CHST11: variants seen among roughly 807,000 people sequenced by gnomAD.
CHST11 encodes carbohydrate sulfotransferase 11, also known as C4S-1.
In CHST11, 9 loss-of-function variants were observed where a neutral mutation model predicts 30.4. The observed-to-expected ratio is 0.30, with a 90% CI of 0.18 to 0.52. The LOEUF is 0.52. Ranked by LOEUF, CHST11 falls within the 20% of genes least tolerant of loss-of-function variation. CHST11 has a pLI of 0.97. For missense variants in CHST11, 348 were observed against 460.6 expected, an observed-to-expected ratio of 0.76 and a Z score of 2.24; for synonymous variants, 152 against 187.8, an observed-to-expected ratio of 0.81 and a Z score of 1.56.
chr12:104,551,727 T>C (rs1225355251), intron 1 of CHST11, among the ~76,000 whole-genome samples: 2 of 152,044 alleles, frequency 1.3e-5, no homozygotes, highest in African/African-American at 2.4e-5. Context: ...TGATAGCCAT[T>C]TGGGGACTAG....
chr12:104,530,008 A>G (rs2038166125), intron 1 of CHST11, among the ~76,000 whole-genome samples: 1 of 152,052 alleles, frequency 6.6e-6, no homozygotes, highest in Non-Finnish European at 1.5e-5. Flanking sequence ...AAATACAAAA[A>G]ATTAGCTAGG....
At chr12:104,656,092 A>G (rs1173371400) in intron 2 of CHST11, among the ~76,000 whole-genome samples, 1 of 152,240 alleles carries the variant, frequency 6.6e-6, no homozygotes, top group Non-Finnish European at 1.5e-5. Flanking sequence ...AACAAACCGT[A>G]AAAGATTTCT....
intron 2 of CHST11, among the ~76,000 whole-genome samples, chr12:104,637,949 T>C (rs1252008241): frequency 1.3e-5 from 2 of 152,150 alleles, no homozygotes; most frequent in Non-Finnish European, 2.9e-5. Flanking sequence ...GGAACCTCTA[T>C]GAGGACAGGG....
At chr12:104,599,401 G>A (rs920016283) in intron 1 of CHST11, among the ~76,000 whole-genome samples, 2 of 152,222 alleles carry the variant, frequency 1.3e-5, no homozygotes, top group South Asian at 2.1e-4. Context: ...CCCGTCTGCC[G>A]CCATAGGGAG....
intron 1 of CHST11, among the ~76,000 whole-genome samples, chr12:104,505,409 T>C (rs970136637): frequency 6.6e-6 from 1 of 152,108 alleles, no homozygotes; most frequent in African/African-American, 2.4e-5. Context: ...TAGACGAACG[T>C]TTCTCAGACT....
chr12:104,568,235 C>T (rs2038587518), intron 1 of CHST11, among the ~76,000 whole-genome samples: 2 of 152,150 alleles, frequency 1.3e-5, no homozygotes, highest in Non-Finnish European at 2.9e-5. Context: ...CGAGAGGAGT[C>T]AGACTTTCCT....
At chr12:104,625,797 C>T (rs2039208885) in intron 2 of CHST11, among the ~76,000 whole-genome samples, 1 of 152,170 alleles carries the variant, frequency 6.6e-6, no homozygotes, top group Non-Finnish European at 1.5e-5. Flanking sequence ...TCTTCCCTGT[C>T]TTCTTTTTCA....
chr12:104,673,574 A>G (rs1485463344), intron 2 of CHST11, among the ~76,000 whole-genome samples: 1 of 152,216 alleles, frequency 6.6e-6, no homozygotes, highest in Non-Finnish European at 1.5e-5. Flanking sequence ...CTATCTGGCA[A>G]TTAGCAAAGC....
At chr12:104,493,348 C>T (rs934546420) in intron 1 of CHST11, among the ~76,000 whole-genome samples, 2 of 152,158 alleles carry the variant, frequency 1.3e-5, no homozygotes, top group African/African-American at 4.8e-5. Flanking sequence ...AATGTTTTTG[C>T]CCTGGAACCA....
chr12:104,513,232 G>A (rs1018856145), intron 1 of CHST11, among the ~76,000 whole-genome samples: 5 of 150,902 alleles, frequency 3.3e-5, no homozygotes, highest in African/African-American at 9.8e-5. Flanking sequence ...GTGTTTCTGT[G>A]CCATGTCTCA....
At chr12:104,654,641 G>A (rs1160636284) in intron 2 of CHST11, among the ~76,000 whole-genome samples, 2 of 151,872 alleles carry the variant, frequency 1.3e-5, no homozygotes, top group South Asian at 2.1e-4. Context: ...GCCACCCCCT[G>A]CCCCCAGCCC....
At position 104,539,056 on chromosome 12, in the gene CHST11, A is replaced by G. The variant is rs886666522; in HGVS notation, c.119-62850A>G. On this transcript the variant is annotated intron_variant, in intron 1 of 2. Transcript: ENST00000303694. ...AGAGAAGTGTTGCCCAAGGTTACAC[A>G]GCTGGCAAATTGCAGAGCTGGGCAA... 2.4e-4 allele frequency among the ~76,000 whole-genome samples: 37 copies of G among 152,372 alleles called. No homozygotes were observed. The Middle Eastern group carries it at 0.01, about 42-fold the overall frequency.
At chr12:104,630,681 T>C (rs774747648) in intron 2 of CHST11, among the ~76,000 whole-genome samples, 3 of 152,194 alleles carry the variant, frequency 2.0e-5, no homozygotes, top group Non-Finnish European at 4.4e-5. Context: ...GCAAATTGGA[T>C]CTACGTGGGT....
At position 104,709,262 on chromosome 12, in the gene CHST11, C is replaced by G. The variant is rs191465845; in HGVS notation, c.205-47687C>G. Reference sequence around the variant, plus strand: ...GCACCCACAGCCTCGCCCCCACACCCAGGGTTCGCTCCAGGGCCTTCTCTC... The same window carrying G: ...GCACCCACAGCCTCGCCCCCACACCGAGGGTTCGCTCCAGGGCCTTCTCTC... On this transcript the variant is annotated intron_variant, in intron 2 of 2. Transcript: ENST00000303694. Among the ~76,000 whole-genome samples the G allele has an allele frequency of 4.7e-3, 710 of 152,340 alleles. 2 individuals are homozygous for G. Among genetic ancestry groups the G allele is most frequent in the Non-Finnish European group, 6.3e-3 (430 of 68,014 alleles).
At chr12:104,641,533 C>T (rs1441381102) in intron 2 of CHST11, among the ~76,000 whole-genome samples, 1 of 152,104 alleles carries the variant, frequency 6.6e-6, no homozygotes, top group East Asian at 1.9e-4. Flanking sequence ...TTTGCCCCTG[C>T]CAGCACCCAT....
chr12:104,550,578 C>T (rs1006711772), intron 1 of CHST11, among the ~76,000 whole-genome samples: 1 of 152,158 alleles, frequency 6.6e-6, no homozygotes, highest in Non-Finnish European at 1.5e-5. Context: ...TTTACAAAAA[C>T]AAGCAGTGGG....
At chr12:104,482,708 C>T (rs1244500349) in intron 1 of CHST11, among the ~76,000 whole-genome samples, 1 of 152,148 alleles carries the variant, frequency 6.6e-6, no homozygotes, top group African/African-American at 2.4e-5. Context: ...ACAACGGCCT[C>T]ATAAGGTACA....
At chr12:104,480,707 G>A (rs2037613328) in intron 1 of CHST11, among the ~76,000 whole-genome samples, 1 of 152,132 alleles carries the variant, frequency 6.6e-6, no homozygotes, top group Admixed American at 6.5e-5. Context: ...GATAATGGAG[G>A]CAGAGACTGG....
intron 1 of CHST11, among the ~76,000 whole-genome samples, chr12:104,589,603 T>G (rs2038838035): frequency 6.6e-6 from 1 of 152,188 alleles, no homozygotes; most frequent in Non-Finnish European, 1.5e-5. Flanking sequence ...AATTTTATGT[T>G]ATGTGTATTT....
Sources: gnomAD v4.1 joint callset for allele counts (sites outside exome capture counted in the v4.1 genomes callset) on GRCh38, gnomAD v4.1.1 for gene constraint, MANE v1.5 for transcripts, NCBI Gene and HGNC (gene_info 2026-07-23, HGNC 2026-07-21) for gene names.